The following ZNF518A variants were observed in gnomAD, a reference collection of about 807,000 sequenced individuals.
ZNF518A encodes zinc finger protein 518A, also known as zinc finger protein 518.
A neutral mutation model predicts 102.7 loss-of-function variants in ZNF518A; 47 were observed. That is an observed-to-expected ratio of 0.46 (90% CI 0.36 to 0.58). ZNF518A has a LOEUF of 0.58. Among genes scored for constraint, ZNF518A ranks in the 20% least tolerant of loss-of-function variants. The probability of loss-of-function intolerance (pLI) is 0.00; values close to 1 mark genes in which losing one functional copy is unlikely to be tolerated. For synonymous variants in ZNF518A, 652 were observed against 594.6 expected, an observed-to-expected ratio of 1.10 and a Z score of -1.40; for missense variants, 1,793 against 1,699.8, an observed-to-expected ratio of 1.05 and a Z score of -0.96.
intron 1 of ZNF518A, among the ~76,000 whole-genome samples, chr10:96,192,564 CAAAT>C (rs2083355458): frequency 6.6e-6 from 1 of 152,062 alleles, no homozygotes. Context: ...CTTTTTTAAA[CAAAT>C]AAAGAAAGCT....
chr10:96,204,032 C>T (rs587631607), exon 3 of ZNF518A: 20 of 1,605,758 alleles, frequency 1.2e-5, no homozygotes, highest in Non-Finnish European at 1.5e-5. Context: ...CTCCCTGATA[C>T]ACTACATGGC....
chr10:96,159,066 T>C lies in ZNF518A; in HGVS notation c.2744T>C (p.Phe915Ser). 6.2e-7 allele frequency: 1 copy of C among 1,613,590 alleles called. No homozygotes were observed. The highest frequency in any genetic ancestry group is 8.5e-7 in the Non-Finnish European group (1 of 1,179,710). The stretch of plus-strand genomic sequence containing the variant: ...GCCACCACACAAAATTTAGGTTCTT[T>C]TTATATGCAGAGTCCACTTTTAAAT... ...LRATTQNLGSFYMQSPLLNSE... is the reference protein window; with the variant it reads ...LRATTQNLGSSYMQSPLLNSE... The change falls in exon 6 of 6, where the codon TTT becomes TCT. Residue 915 changes from phenylalanine to serine, a missense_variant. Transcript: ENST00000316045.
intron 1 of ZNF518A, among the ~76,000 whole-genome samples, chr10:96,199,068 A>G (rs1841977011): frequency 6.6e-6 from 1 of 152,208 alleles, no homozygotes; most frequent in Admixed American, 6.5e-5. Flanking sequence ...AGAATCTACT[A>G]CAGGTACACT....
At chr10:96,198,222 G>A (rs1224968853) in intron 1 of ZNF518A, among the ~76,000 whole-genome samples, 1 of 151,962 alleles carries the variant, frequency 6.6e-6, no homozygotes, top group African/African-American at 2.4e-5. Context: ...GAGAGAAAAT[G>A]GGATTTAATA....
At chr10:96,179,380 G>A (rs1221110747) in intron 1 of ZNF518A, among the ~76,000 whole-genome samples, 1 of 152,084 alleles carries the variant, frequency 6.6e-6, no homozygotes, top group East Asian at 1.9e-4. Flanking sequence ...AAGATACTCA[G>A]TATCATTAAT....
At chr10:96,144,347 A>G (rs1320948919) in intron 3 of ZNF518A, among the ~76,000 whole-genome samples, 1 of 152,168 alleles carries the variant, frequency 6.6e-6, no homozygotes, top group Non-Finnish European at 1.5e-5. Context: ...TTCCAAGTCA[A>G]TTCAGTACAC....
At chr10:96,199,039 G>A (rs1327192355) in intron 1 of ZNF518A, among the ~76,000 whole-genome samples, 1 of 152,172 alleles carries the variant, frequency 6.6e-6, no homozygotes, top group Non-Finnish European at 1.5e-5. Flanking sequence ...AGGGAATAAT[G>A]TAAACACGAT....
intron 3 of ZNF518A, among the ~76,000 whole-genome samples, chr10:96,144,542 A>C (rs1554877730): frequency 2.0e-5 from 3 of 152,202 alleles, no homozygotes; most frequent in Non-Finnish European, 1.5e-5. Flanking sequence ...GGAAAATATA[A>C]ATTACCAAAG....
At chr10:96,152,281 C>G (rs185690168) in intron 3 of ZNF518A, among the ~76,000 whole-genome samples, 147 of 152,314 alleles carry the variant, frequency 9.7e-4, no homozygotes, top group African/African-American at 1.7e-3. Context: ...CCACTGCACT[C>G]CAGCCTGGGC....
Position 96,200,731 on chromosome 10 carries a change from T to TGA in ZNF518A, n.36-2839_36-2838dup, listed in dbSNP as rs1426128584. The stretch of plus-strand genomic sequence containing the variant: ...TTACAAAGTTTAAATAAAATCTATG[T>TGA]GAGAGGAAGAATAATGAAAACACAT... On this transcript the variant is annotated intron_variant and non_coding_transcript_variant, in intron 1 of 2. Coordinates refer to the ZNF518A transcript ENST00000442635. The surrounding 1 kb of genome is among the most constrained non-coding windows in gnomAD (Gnocchi z 4.3). 6.6e-6 allele frequency among the ~76,000 whole-genome samples: 1 copy of TGA among 152,166 alleles called. No homozygotes were observed. Among genetic ancestry groups the TGA allele is most frequent in the African/African-American group, 2.4e-5 (1 of 41,444 alleles).
intron 1 of ZNF518A, among the ~76,000 whole-genome samples, chr10:96,192,625 A>C (rs1434571672): frequency 6.6e-6 from 1 of 152,210 alleles, no homozygotes; most frequent in Non-Finnish European, 1.5e-5. Flanking sequence ...TGGTAAGCTT[A>C]GAGTTAACTT....
chr10:96,158,716 A>G lies in ZNF518A; in HGVS notation c.2394A>G (p.Lys798=), dbSNP rs587638553. The G allele has an allele frequency of 1.2e-6, 2 of 1,613,500 alleles. No individual in the cohort carries two copies. The highest frequency in any genetic ancestry group is 2.7e-5 in the African/African-American group (2 of 75,032). The stretch of plus-strand genomic sequence containing the variant: ...TATTGAAAATAAAACCTGATGTAAA[A>G]CAAGACTCTAGTAACACTCCAAATA... ...QDVLKIKPDV[K]QDSSNTPNKG... is the part of the protein sequence containing the mutation. The change falls in exon 6 of 6, where the codon AAA becomes AAG. Residue 798 remains lysine, a synonymous_variant. Coordinates refer to ENST00000316045, the MANE Select transcript of ZNF518A (RefSeq NM_001330736.2).
intron 1 of ZNF518A, chr10:96,189,687 CTCA>C (rs2083298251): frequency 1.4e-6 from 1 of 713,176 alleles, no homozygotes; most frequent in Non-Finnish European, 2.6e-6. Flanking sequence ...CTTCAGTTTC[CTCA>C]TCATCAAAAT....
At position 96,159,809 on chromosome 10, in the gene ZNF518A, A is replaced by C. The variant is rs1554886511; in HGVS notation, c.3487A>C (p.Ser1163Arg). The C allele has an allele frequency of 6.2e-7, 1 of 1,613,708 alleles. No homozygotes were observed. The highest frequency in any genetic ancestry group is 8.5e-7 in the Non-Finnish European group (1 of 1,179,788). The stretch of plus-strand genomic sequence containing the variant: ...GACTGCTGCTAATAATCTGTCAGTA[A>C]GCAACTCTGCATCCTCATTGCAAAA... ...NVTAANNLSV[S>R]NSASSLQKDN... Residue 1163 changes from serine to arginine, a missense_variant, in exon 6 of 6, where the codon AGC becomes CGC. Ser to Arg is a moderately radical substitution (Grantham distance 110). Transcript: ENST00000316045.
intron 3 of ZNF518A, among the ~76,000 whole-genome samples, chr10:96,137,061 T>G (rs1383108267): frequency 6.6e-5 from 10 of 152,266 alleles, no homozygotes; most frequent in Non-Finnish European, 1.5e-4. Context: ...AGATTTGGCC[T>G]GCAGGCCGTC....
rs2082754638 is a variant in ZNF518A, at chr10:96,157,539, A to G, written c.1217A>G (p.Glu406Gly). The change falls in exon 6 of 6, where the codon GAG (glutamate) becomes GGG (glycine). Residue 406 changes from glutamate to glycine, a missense_variant. Glu to Gly is a moderately conservative substitution (Grantham distance 98). Around this residue, in one of 3 missense-constraint regions of ZNF518A, gnomAD observed 1,741 missense variants for 1,622.6 expected, o/e 1.07. Transcript: ENST00000316045. ...LSTGQGNRAE[E>G]GPNASSGFMK... ...ACTGGGCAAGGTAATAGAGCTGAAG[A>G]GGGACCAAACGCTAGTTCAGGTTTC... 6.2e-7 allele frequency: 1 copy of G among 1,613,910 alleles called. No homozygotes were observed. The highest frequency in any genetic ancestry group is 8.5e-7 in the Non-Finnish European group (1 of 1,179,802).
Position 96,160,885 on chromosome 10 carries a change from A to G in ZNF518A, c.*111A>G. 1 of 1,149,916 alleles carries G rather than the reference A, an allele frequency of 8.7e-7. No individual in the cohort carries two copies. Among genetic ancestry groups the G allele is most frequent in the East Asian group, 2.8e-5 (1 of 35,112 alleles). The allele number at this position is 1,149,916 out of a possible 1,614,324, so 71.2% of individuals were successfully genotyped here. Reference sequence around the variant, plus strand: ...ACTTCAGTATAGTACCTGAAATCGAACATTTTAAAAGTTGATTGTATTTCT... The same window carrying G: ...ACTTCAGTATAGTACCTGAAATCGAGCATTTTAAAAGTTGATTGTATTTCT... On this transcript the variant is annotated 3_prime_UTR_variant, in exon 6 of 6. Coordinates refer to ENST00000316045, the MANE Select transcript of ZNF518A (RefSeq NM_001330736.2).
Position 96,158,038 on chromosome 10 carries a change from A to G in ZNF518A, c.1716A>G (p.Thr572=), listed in dbSNP as rs2082787320. The G allele has an allele frequency of 1.2e-6, 2 of 1,613,714 alleles. No individual in the cohort carries two copies. The highest frequency in any genetic ancestry group is 1.7e-6 in the Non-Finnish European group (2 of 1,179,716). ...TGAATTTGACCACAAAATTTGAAAC[A>G]AGAGATAATGTTGACTTCTGGGGAA... ...ASVNLTTKFE[T]RDNVDFWGNH... is the part of the protein sequence containing the mutation. The change falls in exon 6 of 6, where the codon ACA becomes ACG. Residue 572 remains threonine, a synonymous_variant. Coordinates refer to ENST00000316045, the MANE Select transcript of ZNF518A (RefSeq NM_001330736.2).
At position 96,156,007 on chromosome 10, in the gene ZNF518A, T is replaced by TC. The variant is rs1296039975; in HGVS notation, c.-165dup. 1 of 164,248 alleles carries TC rather than the reference T, an allele frequency of 6.1e-6. No individual in the cohort carries two copies. The highest frequency in any genetic ancestry group is 2.4e-5 in the African/African-American group (1 of 41,818). The allele number at this position is 164,248 out of a possible 1,614,324, so 10.2% of individuals were successfully genotyped here. A position where few individuals can be genotyped will look rare whatever the true frequency, so the allele number is the denominator to read the frequency against. On this transcript the variant is annotated 5_prime_UTR_variant, in exon 5 of 6. Coordinates refer to ENST00000316045, the MANE Select transcript of ZNF518A (RefSeq NM_001330736.2). ...GAACTAGAGCTTGCATTTCCTGACT[T>TC]CCAGATTAGTGTTATTTTTACTTCA...
Sources: gnomAD v4.1 joint callset for allele counts (sites outside exome capture counted in the v4.1 genomes callset) on GRCh38, gnomAD v4.1.1 for gene constraint, gnomAD v4.1.1 regional missense constraint, Gnocchi (gnomAD v3.1) non-coding constraint, MANE v1.5 for transcripts, NCBI Gene and HGNC (gene_info 2026-07-23, HGNC 2026-07-21) for gene names.